The following ADARB2 variants were observed in gnomAD, a reference collection of about 807,000 sequenced individuals.
ADARB2 encodes the protein inactive double-stranded RNA-specific editase B2.
ADARB2 carries 25 observed loss-of-function variants against 62.2 expected under a neutral mutation model. The ratio of observed to expected loss-of-function variants is 0.40; its 90% CI spans 0.29 to 0.56. ADARB2 has a LOEUF of 0.56. Ranked by LOEUF, ADARB2 falls within the 20% of genes least tolerant of loss-of-function variation. The pLI is 0.43. For synonymous variants in ADARB2, 572 were observed against 500.8 expected (o/e 1.14, Z -1.90); for missense variants, 1,071 against 1,077.4 (o/e 0.99, Z 0.08).
chr10:1,219,556 A>G (rs1830663669), intron 6 of ADARB2, among the ~76,000 whole-genome samples: 4 of 152,276 alleles, frequency 2.6e-5, no homozygotes, highest in African/African-American at 9.6e-5. Context: ...ATTCACGGAA[A>G]AAAGAGCGAA....
intron 1 of ADARB2, among the ~76,000 whole-genome samples, chr10:1,734,782 A>G (rs1814422184): frequency 6.6e-6 from 1 of 152,232 alleles, no homozygotes; most frequent in African/African-American, 2.4e-5. Flanking sequence ...AAATTGTGGC[A>G]AGTATAGAGT....
intron 1 of ADARB2, among the ~76,000 whole-genome samples, chr10:1,645,312 A>C (rs1834025306): frequency 6.6e-6 from 1 of 152,202 alleles, no homozygotes; most frequent in South Asian, 2.1e-4. Context: ...AGAATCCAAA[A>C]AGACTGATTC....
chr10:1,262,824 A>G (rs1470164893), intron 4 of ADARB2, among the ~76,000 whole-genome samples: 1 of 152,182 alleles, frequency 6.6e-6, no homozygotes, highest in Non-Finnish European at 1.5e-5. Flanking sequence ...GTAAAGACAT[A>G]TGCACACATA....
At chr10:1,506,214 G>T (rs367612934) in intron 1 of ADARB2, among the ~76,000 whole-genome samples, 1 of 152,110 alleles carries the variant, frequency 6.6e-6, no homozygotes, top group Admixed American at 6.5e-5. Flanking sequence ...GAAATTTAAC[G>T]ACAACTGAAT....
At chr10:1,515,942 A>G (rs1832003131) in intron 1 of ADARB2, among the ~76,000 whole-genome samples, 1 of 152,212 alleles carries the variant, frequency 6.6e-6, no homozygotes, top group East Asian at 1.9e-4. Context: ...TCCTCATGTC[A>G]ACATGGAGTG....
intron 1 of ADARB2, among the ~76,000 whole-genome samples, chr10:1,658,148 A>G (rs1834196246): frequency 7.5e-6 from 1 of 134,210 alleles, no homozygotes; most frequent in Non-Finnish European, 1.6e-5. Flanking sequence ...CTCTCTCTGT[A>G]TCTTATTCTC....
At chr10:1,408,034 T>G (rs1451763128) in intron 1 of ADARB2, among the ~76,000 whole-genome samples, 1 of 152,234 alleles carries the variant, frequency 6.6e-6, no homozygotes, top group East Asian at 1.9e-4. Flanking sequence ...GGGCTCACAC[T>G]GTTAATTATT....
At chr10:1,404,114 C>T (rs1371776800) in intron 1 of ADARB2, among the ~76,000 whole-genome samples, 2 of 152,244 alleles carry the variant, frequency 1.3e-5, no homozygotes, top group African/African-American at 4.8e-5. Context: ...CAGCTCCCAG[C>T]GCAGGGCCCC....
chr10:1,278,277 G>A (rs960371388), intron 3 of ADARB2, among the ~76,000 whole-genome samples: 4 of 150,698 alleles, frequency 2.7e-5, no homozygotes, highest in East Asian at 1.9e-4. Context: ...CACCACACCC[G>A]GTCCTTTTTT....
At chr10:1,568,800 C>CTCTATCTA (rs71379148) in intron 1 of ADARB2, among the ~76,000 whole-genome samples, 41,494 of 148,364 alleles carry the variant, frequency 0.28, 5,903 homozygotes, top group East Asian at 0.35. Flanking sequence ...ATGTCTCTAT[C>CTCTATCTA]TCTATCTATC....
At chr10:1,407,412 C>A (rs1318549895) in intron 1 of ADARB2, among the ~76,000 whole-genome samples, 1 of 152,352 alleles carries the variant, frequency 6.6e-6, no homozygotes, top group African/African-American at 2.4e-5. Context: ...GGGTCTCTGG[C>A]TTAACCCCTG....
chr10:1,650,150 A>T (rs1588338452), intron 1 of ADARB2, among the ~76,000 whole-genome samples: 1 of 152,244 alleles, frequency 6.6e-6, no homozygotes, highest in Admixed American at 6.5e-5. Context: ...GGCTACGTTC[A>T]TGACTGCTCT....
chr10:1,532,458 G>A (rs1172229219), intron 1 of ADARB2, among the ~76,000 whole-genome samples: 4 of 152,156 alleles, frequency 2.6e-5, no homozygotes. Flanking sequence ...CCTGTTTGTG[G>A]AGCCTCAGTG....
At chr10:1,234,644 G>C (rs575856491) in intron 5 of ADARB2, among the ~76,000 whole-genome samples, 1 of 146,210 alleles carries the variant, frequency 6.8e-6, no homozygotes, top group South Asian at 2.2e-4. Flanking sequence ...GTCTTGCTTT[G>C]TTGCCCCGAG....
chr10:1,475,116 T>A (rs1414945870), intron 1 of ADARB2, among the ~76,000 whole-genome samples: 1 of 151,964 alleles, frequency 6.6e-6, no homozygotes, highest in East Asian at 1.9e-4. Flanking sequence ...CAACGCGGCG[T>A]CGTCAAGCTC....
chr10:1,508,769 C>T (rs1461521714), intron 1 of ADARB2, among the ~76,000 whole-genome samples: 3 of 152,098 alleles, frequency 2.0e-5, no homozygotes, highest in East Asian at 1.9e-4. Context: ...GGTGACAGAG[C>T]GAGACTCCAT....
rs569621763 is a variant in ADARB2 at position 1,592,225 on chromosome 10, G to A, written c.100+144826C>T. Among the ~76,000 whole-genome samples, 13 of 149,474 alleles carry A rather than the reference G, an allele frequency of 8.7e-5. No individual in the cohort carries two copies. In the South Asian group the frequency reaches 1.3e-3, roughly 15 times the overall value. On this transcript the variant is annotated intron_variant, in intron 1 of 9. Transcript: ENST00000381312. Reference sequence around the variant, plus strand: ...TATAACAAAGCCCAGCTCCTCCTCCGTGCCACATGATCCCCTCTGTCACCC... The same window carrying A: ...TATAACAAAGCCCAGCTCCTCCTCCATGCCACATGATCCCCTCTGTCACCC...
At chr10:1,491,669 G>C (rs566998393) in intron 1 of ADARB2, among the ~76,000 whole-genome samples, 116 of 152,266 alleles carry the variant, frequency 7.6e-4, no homozygotes, top group African/African-American at 2.7e-3. Context: ...CCCTAGACTT[G>C]ACAATGAGCC....
chr10:1,733,966 C>T (rs1227885765), intron 1 of ADARB2, among the ~76,000 whole-genome samples: 2 of 150,756 alleles, frequency 1.3e-5, no homozygotes, highest in South Asian at 2.1e-4. Context: ...TGCTTTGCCG[C>T]GATGTAAAAA....
Sources: gnomAD v4.1 joint callset for allele counts (sites outside exome capture counted in the v4.1 genomes callset) on GRCh38, gnomAD v4.1.1 for gene constraint, MANE v1.5 for transcripts, NCBI Gene and HGNC (gene_info 2026-07-23, HGNC 2026-07-21) for gene names.